The following GPC6 variants were observed in gnomAD, a reference collection of about 807,000 sequenced individuals.
GPC6 encodes glypican 6.
GPC6 carries 14 observed loss-of-function variants against 55.2 expected under a neutral mutation model. The ratio of observed to expected loss-of-function variants is 0.25; its 90% CI spans 0.17 to 0.40. The LOEUF (loss-of-function observed/expected upper bound fraction) is 0.40. GPC6 is among the 10% of genes least tolerant of loss of function. GPC6 has a pLI of 1.00. For synonymous variants in GPC6, 278 were observed against 259.6 expected (o/e 1.07, Z -0.68); for missense variants, 641 against 708.5 (o/e 0.90, Z 1.08).
chr13:94,068,320 A>G (rs964349762), intron 4 of GPC6, among the ~76,000 whole-genome samples: 1 of 151,886 alleles, frequency 6.6e-6, no homozygotes, highest in Non-Finnish European at 1.5e-5. Context: ...CATGGGAAAA[A>G]CCCGCCTCCA....
intron 6 of GPC6, among the ~76,000 whole-genome samples, chr13:94,339,860 T>C (rs1208713732): frequency 6.8e-6 from 1 of 146,348 alleles, no homozygotes; most frequent in East Asian, 2.1e-4. Context: ...AACTTCCGGG[T>C]TCAAGCAATT....
At chr13:93,660,542 T>C (rs1430606463) in intron 2 of GPC6, among the ~76,000 whole-genome samples, 1 of 152,218 alleles carries the variant, frequency 6.6e-6, no homozygotes, top group Admixed American at 6.5e-5. Context: ...GGACCTATGA[T>C]TCTGGAAGGA....
At chr13:93,596,203 T>C (rs1363988662) in intron 2 of GPC6, among the ~76,000 whole-genome samples, 1 of 152,158 alleles carries the variant, frequency 6.6e-6, no homozygotes, top group Non-Finnish European at 1.5e-5. Context: ...CCATGATCCT[T>C]ATTGAGAGGA....
At chr13:94,389,691 G>A (rs1880561423) in intron 7 of GPC6, among the ~76,000 whole-genome samples, 1 of 152,134 alleles carries the variant, frequency 6.6e-6, no homozygotes, top group Admixed American at 6.5e-5. Flanking sequence ...AAAAATGAAA[G>A]CCAGTCTGAG....
intron 3 of GPC6, among the ~76,000 whole-genome samples, chr13:93,882,795 C>A (rs906118805): frequency 1.9e-4 from 29 of 152,164 alleles, no homozygotes; most frequent in Admixed American, 1.0e-3. Context: ...GCTAAACTGG[C>A]ATGTAAACCA....
intron 1 of GPC6, among the ~76,000 whole-genome samples, chr13:93,526,621 A>G (rs1389536579): frequency 1.3e-5 from 2 of 152,080 alleles, no homozygotes; most frequent in African/African-American, 4.8e-5. Flanking sequence ...AATTTCAAAT[A>G]ACGATTAGGA....
At chr13:93,896,553 G>C (rs1292178693) in intron 3 of GPC6, among the ~76,000 whole-genome samples, 4 of 152,058 alleles carry the variant, frequency 2.6e-5, no homozygotes, top group Non-Finnish European at 1.5e-5. Context: ...GATAAAAGAT[G>C]TGTAGCAGAA....
intron 1 of GPC6, among the ~76,000 whole-genome samples, chr13:93,490,514 G>GTT (rs796098096): frequency 0.049 from 1,719 of 35,262 alleles, 53 homozygotes; most frequent in Non-Finnish European, 0.069. Context: ...TTTTTTTTGA[G>GTT]TTTTTTTTTT....
chr13:93,948,589 T>C (rs1181181001), intron 3 of GPC6, among the ~76,000 whole-genome samples: 1 of 152,216 alleles, frequency 6.6e-6, no homozygotes, highest in Non-Finnish European at 1.5e-5. Flanking sequence ...ATAGCAGAAA[T>C]ATGATTGAAT....
intron 4 of GPC6, among the ~76,000 whole-genome samples, chr13:94,137,272 G>A (rs568606012): frequency 2.6e-5 from 4 of 152,260 alleles, no homozygotes; most frequent in African/African-American, 9.6e-5. Context: ...GCCAGTAGAG[G>A]GGTGATCATT....
chr13:93,283,969 C>G (rs1421006928), intron 1 of GPC6, among the ~76,000 whole-genome samples: 1 of 152,152 alleles, frequency 6.6e-6, no homozygotes, highest in Non-Finnish European at 1.5e-5. Context: ...AGTGGATAAT[C>G]TAAGATGTGG....
At chr13:93,324,593 T>TATATACACACATACATAC (rs1566299617) in intron 1 of GPC6, among the ~76,000 whole-genome samples, 1 of 128,880 alleles carries the variant, frequency 7.8e-6, no homozygotes, top group African/African-American at 2.7e-5. Flanking sequence ...CATACATATA[T>TATATACACACATACATAC]ATATATATAT....
intron 4 of GPC6, among the ~76,000 whole-genome samples, chr13:94,111,473 TATAATAATA>T (rs149246452): frequency 0.18 from 26,598 of 144,294 alleles, 2,962 homozygotes; most frequent in East Asian, 0.32. Flanking sequence ...TTAAAGTAAA[TATAATAATA>T]ATAATAATAA....
chr13:94,020,323 A>G (rs1478920620), intron 3 of GPC6, among the ~76,000 whole-genome samples: 6 of 152,136 alleles, frequency 3.9e-5, no homozygotes, highest in African/African-American at 1.2e-4. Context: ...TTCTAGCTTC[A>G]TTCCTTTGTG....
intron 4 of GPC6, among the ~76,000 whole-genome samples, chr13:94,054,006 A>G (rs943821726): frequency 6.6e-6 from 1 of 152,162 alleles, no homozygotes; most frequent in Non-Finnish European, 1.5e-5. Flanking sequence ...AAGGTGCTGA[A>G]TGAGAGGAAT....
At chr13:93,375,449 GCTGT>G (rs989736828) in intron 1 of GPC6, among the ~76,000 whole-genome samples, 19 of 152,220 alleles carry the variant, frequency 1.2e-4, no homozygotes, top group African/African-American at 4.6e-4. Context: ...CTAGTACCTG[GCTGT>G]CTAAGTGGGT....
intron 3 of GPC6, among the ~76,000 whole-genome samples, chr13:93,968,244 A>G (rs948442898): frequency 2.6e-5 from 4 of 152,190 alleles, no homozygotes; most frequent in Non-Finnish European, 5.9e-5. Flanking sequence ...CATTAATAAA[A>G]CCAAAAATAC....
chr13:93,371,412 ATGATT>A lies in GPC6; in HGVS notation c.160+143799_160+143803del, dbSNP rs571060504. 1.4e-4 allele frequency among the ~76,000 whole-genome samples: 21 copies of A among 152,314 alleles called. No homozygotes were observed. In the South Asian group the frequency reaches 4.3e-3, roughly 32 times the overall value. ...ATATTGGTTCATTTTATTAAACAATATGATTTGGGTGATCTGGAAAAAATGATCTC... is the reference window on the plus strand; with the variant it reads ...ATATTGGTTCATTTTATTAAACAATATGGGTGATCTGGAAAAAATGATCTC... On this transcript the variant is annotated intron_variant, in intron 1 of 8. Coordinates refer to ENST00000377047, the MANE Select transcript of GPC6 (RefSeq NM_005708.5).
At chr13:93,597,579 C>T (rs542738685) in intron 2 of GPC6, among the ~76,000 whole-genome samples, 1 of 152,122 alleles carries the variant, frequency 6.6e-6, no homozygotes, top group South Asian at 2.1e-4. Flanking sequence ...TTTCTTCCAC[C>T]TCTGCCACCT....
Sources: gnomAD v4.1 joint callset for allele counts (sites outside exome capture counted in the v4.1 genomes callset) on GRCh38, gnomAD v4.1.1 for gene constraint, MANE v1.5 for transcripts, NCBI Gene and HGNC (gene_info 2026-07-23, HGNC 2026-07-21) for gene names.